CERKL: variants seen among roughly 807,000 people sequenced by gnomAD.
The protein encoded by CERKL is ceramide kinase-like protein.
In CERKL, 61 loss-of-function variants were observed where a neutral mutation model predicts 63.4. The observed-to-expected ratio is 0.96, with a 90% CI of 0.78 to 1.19. The LOEUF (loss-of-function observed/expected upper bound fraction) is 1.19, where lower values mean the gene tolerates loss of function less well. Among genes scored for constraint, CERKL ranks in the 50% most tolerant of loss-of-function variants. The pLI is 0.00. For synonymous variants in CERKL, 250 were observed against 230.5 expected, an observed-to-expected ratio of 1.08 and a Z score of -0.77; for missense variants, 675 against 655.5, an observed-to-expected ratio of 1.03 and a Z score of -0.33.
intron 11 of CERKL, among the ~76,000 whole-genome samples, 196 bp from the exon 12 acceptor site, chr2:181,539,460 T>C (rs900354083): frequency 3.3e-5 from 5 of 152,176 alleles, no homozygotes; most frequent in Non-Finnish European, 5.9e-5. Flanking sequence ...TGGGTTCTTT[T>C]AGATCTAGCA....
At chr2:181,653,595 T>C (rs1688025508) in intron 1 of CERKL, among the ~76,000 whole-genome samples, 1 of 152,182 alleles carries the variant, frequency 6.6e-6, no homozygotes, top group Non-Finnish European at 1.5e-5. Context: ...GTCCTGTCAA[T>C]TGTGAATGCT....
chr2:181,558,856 A>G lies in CERKL; in HGVS notation c.678-148T>C. The stretch of plus-strand genomic sequence containing the variant: ...CCTTTAAACATGTTAATATGTGTCA[A>G]TGGGTAAGACAACACAAACACAACA... On this transcript the variant is annotated intron_variant, in intron 4 of 12. Coordinates refer to ENST00000410087, the MANE Select transcript of CERKL (RefSeq NM_201548.5). This position sits in a 1 kb window ranked among gnomAD's most constrained non-coding sequence, Gnocchi z 4.2. The G allele has an allele frequency of 1.3e-6, 1 of 769,358 alleles. No homozygotes were observed. Among genetic ancestry groups the G allele is most frequent in the Admixed American group, 2.0e-5 (1 of 49,182 alleles). The allele number at this position is 769,358 out of a possible 1,614,324, so 47.7% of individuals were successfully genotyped here. A position where few individuals can be genotyped will look rare whatever the true frequency, so the allele number is the denominator to read the frequency against.
chr2:181,617,977 T>G (rs1266038684), intron 1 of CERKL, among the ~76,000 whole-genome samples: 1 of 152,210 alleles, frequency 6.6e-6, no homozygotes, highest in Non-Finnish European at 1.5e-5. Flanking sequence ...GAAGAAGCAT[T>G]CTGAGATTTC....
At chr2:181,591,509 C>G (rs1574478536) in intron 2 of CERKL, among the ~76,000 whole-genome samples, 2 of 152,078 alleles carry the variant, frequency 1.3e-5, no homozygotes, top group South Asian at 2.1e-4. Context: ...GAAATATATA[C>G]TTTCAGTCTA....
At position 181,547,987 on chromosome 2, in the gene CERKL, A is replaced by C. The variant is rs1687810501; in HGVS notation, c.1134-140T>G. 5 of 745,260 alleles carry C rather than the reference A, an allele frequency of 6.7e-6. No individual in the cohort carries two copies. The Admixed American group carries it at 1.3e-4, about 19-fold the overall frequency. The allele number at this position is 745,260 out of a possible 1,614,324, so 46.2% of individuals were successfully genotyped here. A position where few individuals can be genotyped will look rare whatever the true frequency, so the allele number is the denominator to read the frequency against. On this transcript the variant is annotated intron_variant, in intron 8 of 12. Transcript: ENST00000410087. Reference sequence around the variant, plus strand: ...TAAATACTTTCTTCAATTAGATAGTAAGTAAAAACGTACAATTTTGTTGCT... The same window carrying C: ...TAAATACTTTCTTCAATTAGATAGTCAGTAAAAACGTACAATTTTGTTGCT...
At chr2:181,556,216 T>C (rs574826472) in intron 5 of CERKL, among the ~76,000 whole-genome samples, 10 of 151,098 alleles carry the variant, frequency 6.6e-5, no homozygotes, top group African/African-American at 2.2e-4. Context: ...TTTTCCTTTA[T>C]ATATATATAT....
intron 1 of CERKL, among the ~76,000 whole-genome samples, chr2:181,618,248 C>A (rs977826936): frequency 4.9e-5 from 7 of 143,586 alleles, no homozygotes; most frequent in African/African-American, 1.9e-4. Flanking sequence ...GCACTTGTAC[C>A]CCTTAAACTT....
At chr2:181,580,917 G>A (rs1375486) in intron 2 of CERKL, among the ~76,000 whole-genome samples, 7,829 of 152,004 alleles carry the variant, frequency 0.052, 258 homozygotes, top group South Asian at 0.098. Flanking sequence ...AAAAATGCCC[G>A]TTTCTTTGGT....
intron 4 of CERKL, chr2:181,565,593 T>C (rs1395030641): frequency 2.7e-5 from 29 of 1,058,164 alleles, no homozygotes; most frequent in Non-Finnish European, 4.2e-5. Flanking sequence ...AATAATGTAT[T>C]TATTTACTTG....
intron 2 of CERKL, among the ~76,000 whole-genome samples, chr2:181,598,295 G>A (rs1685305142): frequency 6.6e-6 from 1 of 152,180 alleles, no homozygotes; most frequent in Non-Finnish European, 1.5e-5. Context: ...GACCATTTTG[G>A]TGGTTGCCTT....
At chr2:181,552,700 T>A (rs1688036200) in intron 5 of CERKL, among the ~76,000 whole-genome samples, 1 of 152,166 alleles carries the variant, frequency 6.6e-6, no homozygotes, top group Admixed American at 6.5e-5. Flanking sequence ...AAAATCAGTA[T>A]GTGATCATTA....
intron 2 of CERKL, among the ~76,000 whole-genome samples, chr2:181,590,759 A>G (rs572846089): frequency 2.0e-5 from 3 of 152,328 alleles, no homozygotes; most frequent in East Asian, 3.9e-4. Context: ...CTAAAACATA[A>G]AAGTACTTAA....
intron 11 of CERKL, among the ~76,000 whole-genome samples, chr2:181,544,238 G>C (rs943517153): frequency 6.6e-6 from 1 of 152,036 alleles, no homozygotes; most frequent in Non-Finnish European, 1.5e-5. Flanking sequence ...GTATAAAACT[G>C]TCATATTTTT....
rs202014414 is a variant in CERKL at position 181,536,861 on chromosome 2, G to A, written c.*1323C>T. On this transcript the variant is annotated 3_prime_UTR_variant, in exon 13 of 13. Transcript: ENST00000410087. ...CTGCCTTCATAAGAGAGCTGTGGCC[G>A]AATTTTGAACATCTGTTATAGGGAG... 108 of 429,134 alleles carry A rather than the reference G, an allele frequency of 2.5e-4. No individual in the cohort carries two copies. Among genetic ancestry groups the A allele is most frequent in the African/African-American group, 5.7e-4 (28 of 49,280 alleles). The allele number at this position is 429,134 out of a possible 1,614,324, so 26.6% of individuals were successfully genotyped here.
intron 1 of CERKL, among the ~76,000 whole-genome samples, chr2:181,638,554 T>C (rs1687285446): frequency 6.6e-6 from 1 of 152,200 alleles, no homozygotes; most frequent in Non-Finnish European, 1.5e-5. Flanking sequence ...TTTATAGTGA[T>C]CATAACAATA....
intron 1 of CERKL, among the ~76,000 whole-genome samples, chr2:181,623,639 A>C (rs1183238506): frequency 1.3e-5 from 2 of 152,206 alleles, no homozygotes; most frequent in African/African-American, 4.8e-5. Context: ...TTGACTACCC[A>C]ATAAATAATC....
chr2:181,586,154 T>C lies in CERKL; in HGVS notation c.482-12270A>G, dbSNP rs552351195. 3.9e-5 allele frequency among the ~76,000 whole-genome samples: 6 copies of C among 152,244 alleles called. 1 individual carries two copies. The highest frequency in any genetic ancestry group is 9.6e-5 in the African/African-American group (4 of 41,540). ...AAGGTAAGAAAAAAAAGCCTTTAGA[T>C]TGCAAGAAAATTGATAAAAAGGGAA... On this transcript the variant is annotated intron_variant, in intron 2 of 12. Transcript: ENST00000410087.
intron 2 of CERKL, among the ~76,000 whole-genome samples, chr2:181,587,194 C>T (rs1684804276): frequency 6.6e-6 from 1 of 152,108 alleles, no homozygotes; most frequent in Admixed American, 6.6e-5. Context: ...CAGATCTTTA[C>T]ATACACAGAT....
chr2:181,628,877 T>C (rs1458122895), intron 1 of CERKL, among the ~76,000 whole-genome samples: 1 of 152,154 alleles, frequency 6.6e-6, no homozygotes, highest in East Asian at 1.9e-4. Flanking sequence ...CCAGGATACA[T>C]ATAATTATGC....
Sources: gnomAD v4.1 joint callset for allele counts (sites outside exome capture counted in the v4.1 genomes callset) on GRCh38, gnomAD v4.1.1 for gene constraint, Gnocchi (gnomAD v3.1) non-coding constraint, MANE v1.5 for transcripts, NCBI Gene and HGNC (gene_info 2026-07-23, HGNC 2026-07-21) for gene names.